TTLL11: variants seen among roughly 807,000 people sequenced by gnomAD.
TTLL11 encodes the protein tubulin polyglutamylase TTLL11.
Under a neutral mutation model 51.7 loss-of-function variants are expected in TTLL11, and 42 were observed. The ratio of observed to expected loss-of-function variants is 0.81; its 90% CI spans 0.64 to 1.05. TTLL11 has a LOEUF of 1.05. Among genes scored for constraint, TTLL11 ranks in the 50% least tolerant of loss-of-function variants. The pLI is 0.00. For synonymous variants in TTLL11, 381 were observed against 383.5 expected (o/e 0.99, Z 0.08); for missense variants, 799 against 940.4 (o/e 0.85, Z 1.97).
chr9:121,903,103 ACT>A lies in TTLL11; in HGVS notation c.1482-32357_1482-32356del, dbSNP rs1339361659. 3.3e-5 allele frequency among the ~76,000 whole-genome samples: 5 copies of A among 152,112 alleles called. No individual in the cohort carries two copies. In the South Asian group the frequency reaches 8.3e-4, roughly 25 times the overall value. Reference sequence around the variant, plus strand: ...CAAAGGTAATAGTCACAATGGGCCAACTCTCAGAGGCCTGCAATGTACCTGAA... The same window carrying A: ...CAAAGGTAATAGTCACAATGGGCCAACTCAGAGGCCTGCAATGTACCTGAA... On this transcript the variant is annotated intron_variant, in intron 6 of 8. Transcript: ENST00000321582.
At chr9:121,972,871 A>C (rs189237105) in intron 6 of TTLL11, among the ~76,000 whole-genome samples, 48 of 152,392 alleles carry the variant, frequency 3.1e-4, no homozygotes, top group Middle Eastern at 6.8e-3. Context: ...GCTTGAGCCC[A>C]GGTGGTGAGA....
chr9:122,033,116 T>C (rs1361935071), intron 2 of TTLL11, among the ~76,000 whole-genome samples: 1 of 152,072 alleles, frequency 6.6e-6, no homozygotes, highest in Non-Finnish European at 1.5e-5. Context: ...CTTATTTCTT[T>C]TTCTTTTTCT....
At chr9:121,934,664 A>G (rs1841127480) in intron 6 of TTLL11, among the ~76,000 whole-genome samples, 1 of 152,170 alleles carries the variant, frequency 6.6e-6, no homozygotes, top group Non-Finnish European at 1.5e-5. Flanking sequence ...AAACATTCTG[A>G]TTGTTTCAAG....
At chr9:122,028,707 A>G (rs1378291482) in intron 3 of TTLL11, among the ~76,000 whole-genome samples, 7 of 152,230 alleles carry the variant, frequency 4.6e-5, no homozygotes, top group African/African-American at 1.7e-4. Context: ...CTACATCAAC[A>G]ACTCCAGAAT....
intron 1 of TTLL11, among the ~76,000 whole-genome samples, chr9:122,047,516 C>G (rs571864950): frequency 6.6e-6 from 1 of 151,928 alleles, no homozygotes; most frequent in Non-Finnish European, 1.5e-5. Flanking sequence ...GAGCATGCCC[C>G]CACCCCCTCT....
chr9:121,919,829 T>C (rs1257067256), intron 6 of TTLL11, among the ~76,000 whole-genome samples: 2 of 112,978 alleles, frequency 1.8e-5, no homozygotes, highest in Non-Finnish European at 3.4e-5. Context: ...CTGGGCAACA[T>C]AGTGAGACCC....
At chr9:121,966,177 G>A (rs1307449517) in intron 6 of TTLL11, among the ~76,000 whole-genome samples, 2 of 152,230 alleles carry the variant, frequency 1.3e-5, no homozygotes, top group African/African-American at 4.8e-5. Flanking sequence ...GTGATAGGAA[G>A]TAATGAAATG....
chr9:122,040,450 C>T lies in TTLL11; in HGVS notation c.463-1082G>A, dbSNP rs945579937. On this transcript the variant is annotated intron_variant, in intron 1 of 8. Coordinates refer to ENST00000321582, the MANE Select transcript of TTLL11 (RefSeq NM_001139442.2). Reference sequence around the variant, plus strand: ...ATCAACAAGCTCTGCATTTAATGAACATATTTTTTAAATCTGTAACTCAGA... The same window carrying T: ...ATCAACAAGCTCTGCATTTAATGAATATATTTTTTAAATCTGTAACTCAGA... The T allele has an allele frequency of 2.0e-5, 20 of 979,646 alleles. No individual in the cohort carries two copies. The African/African-American group carries it at 3.5e-4, about 17-fold the overall frequency. The allele number at this position is 979,646 out of a possible 1,614,324, so 60.7% of individuals were successfully genotyped here. A position where few individuals can be genotyped will look rare whatever the true frequency, so the allele number is the denominator to read the frequency against.
chr9:122,061,677 G>A (rs553450454), intron 1 of TTLL11, among the ~76,000 whole-genome samples: 7 of 151,678 alleles, frequency 4.6e-5, no homozygotes, highest in African/African-American at 7.3e-5. Context: ...TCACTCCGTC[G>A]CCCAGGCTGG....
chr9:121,828,672 A>G (rs1230945036), intron 8 of TTLL11, among the ~76,000 whole-genome samples: 1 of 152,198 alleles, frequency 6.6e-6, no homozygotes, highest in African/African-American at 2.4e-5. Context: ...TATAATCAAC[A>G]CTTGGTATTT....
chr9:121,934,708 A>C (rs1037676201), intron 6 of TTLL11, among the ~76,000 whole-genome samples: 3 of 152,216 alleles, frequency 2.0e-5, no homozygotes, highest in Non-Finnish European at 4.4e-5. Flanking sequence ...CAACCCAAAC[A>C]GTCCCTACAG....
chr9:121,895,575 GTGTT>G (rs1006059049), intron 6 of TTLL11, among the ~76,000 whole-genome samples: 12 of 151,582 alleles, frequency 7.9e-5, no homozygotes, highest in South Asian at 2.1e-4. Context: ...GTGTGGTTGT[GTGTT>G]TGTGTGACTG....
chr9:121,832,800 CATG>C (rs1837059871), intron 8 of TTLL11, among the ~76,000 whole-genome samples: 1 of 152,106 alleles, frequency 6.6e-6, no homozygotes, highest in Admixed American at 6.5e-5. Context: ...ATTAACTAGG[CATG>C]GTGGCACGCA....
chr9:122,035,450 G>A (rs1181551776), intron 2 of TTLL11, among the ~76,000 whole-genome samples: 1 of 152,232 alleles, frequency 6.6e-6, no homozygotes, highest in African/African-American at 2.4e-5. Context: ...CCCCATTCAA[G>A]TTAACTGACA....
chr9:122,090,215 C>T (rs1345169537), intron 1 of TTLL11, among the ~76,000 whole-genome samples: 3 of 152,036 alleles, frequency 2.0e-5, no homozygotes, highest in East Asian at 1.9e-4. Flanking sequence ...GCTGAATTAG[C>T]TCTGTCCACC....
At position 122,058,719 on chromosome 9, in the gene TTLL11, T is replaced by C. The variant is rs374429590; in HGVS notation, c.463-19351A>G. 4.0e-4 allele frequency among the ~76,000 whole-genome samples: 61 copies of C among 152,348 alleles called. 3 individuals are homozygous for C. Among genetic ancestry groups the C allele is most frequent in the East Asian group, 3.9e-3 (20 of 5,188 alleles). On this transcript the variant is annotated intron_variant, in intron 1 of 8. Coordinates refer to ENST00000321582, the MANE Select transcript of TTLL11 (RefSeq NM_001139442.2). ...TCCAAATCTTCTCATTTTTCACAGC[T>C]CAACACAGCTAATAGCTGTGGCCAA...
chr9:121,870,380 G>T, intron 7 of TTLL11, 117 bp downstream of exon 7: 1 of 1,338,496 alleles, frequency 7.5e-7, no homozygotes, highest in South Asian at 1.5e-5. Flanking sequence ...CTCAAATGGG[G>T]TACTGACCCA....
At chr9:121,935,906 A>G (rs970429371) in intron 6 of TTLL11, among the ~76,000 whole-genome samples, 4 of 152,186 alleles carry the variant, frequency 2.6e-5, no homozygotes, top group African/African-American at 9.7e-5. Context: ...CCAGGCCTGG[A>G]CAGAGCACAG....
chr9:122,079,711 A>C (rs1310466534), intron 1 of TTLL11, among the ~76,000 whole-genome samples: 1 of 151,672 alleles, frequency 6.6e-6, no homozygotes, highest in Non-Finnish European at 1.5e-5. Flanking sequence ...TCTGTCTCAA[A>C]AAAAAAAAAA....
Sources: gnomAD v4.1 joint callset for allele counts (sites outside exome capture counted in the v4.1 genomes callset) on GRCh38, gnomAD v4.1.1 for gene constraint, MANE v1.5 for transcripts, NCBI Gene and HGNC (gene_info 2026-07-23, HGNC 2026-07-21) for gene names.